Variants in LIPN observed in about 807,000 individuals in gnomAD.
The protein encoded by LIPN is lipase family member N.
LIPN carries 32 observed loss-of-function variants against 43.7 expected under a neutral mutation model. That is an observed-to-expected ratio of 0.73 (90% CI 0.55 to 0.98). The LOEUF is 0.98. Ranked by LOEUF, LIPN falls within the 50% of genes least tolerant of loss-of-function variation. The probability of loss-of-function intolerance (pLI) is 0.00; values close to 1 mark genes in which losing one functional copy is unlikely to be tolerated. For missense variants in LIPN, 505 were observed against 483.8 expected, an observed-to-expected ratio of 1.04 and a Z score of -0.41; for synonymous variants, 156 against 157.6, an observed-to-expected ratio of 0.99 and a Z score of 0.08.
chr10:88,761,767 C>CTATT (rs879759634), intron 2 of LIPN, among the ~76,000 whole-genome samples: 3 of 73,680 alleles, frequency 4.1e-5, no homozygotes, highest in Admixed American at 2.8e-4. Flanking sequence ...ATCTATGTAT[C>CTATT]TATCTATCTA....
rs1353948964 is a variant in LIPN, at chr10:88,765,366, G to A, written c.425+758G>A. 2.0e-5 allele frequency among the ~76,000 whole-genome samples: 3 copies of A among 151,854 alleles called. No individual in the cohort carries two copies. The East Asian group carries it at 5.8e-4, about 29-fold the overall frequency. On this transcript the variant is annotated intron_variant, in intron 4 of 9. Coordinates refer to ENST00000404459, the MANE Select transcript of LIPN (RefSeq NM_001102469.2). ...TCCTACTACATTAATAAAACATTCAGTACCCACTGAAAGTTTGAGAATAGT... is the reference window on the plus strand; with the variant it reads ...TCCTACTACATTAATAAAACATTCAATACCCACTGAAAGTTTGAGAATAGT...
chr10:88,772,109 T>G (rs906936638), intron 7 of LIPN, among the ~76,000 whole-genome samples: 7 of 151,840 alleles, frequency 4.6e-5, no homozygotes, highest in African/African-American at 1.7e-4. Context: ...TCAGATTTTT[T>G]TTTTTTGCAA....
intron 9 of LIPN, among the ~76,000 whole-genome samples, chr10:88,776,274 A>C (rs891558834): frequency 6.6e-6 from 1 of 152,052 alleles, no homozygotes; most frequent in African/African-American, 2.4e-5. Flanking sequence ...AGAAAGAAGA[A>C]AAGAAGTGGA....
intron 2 of LIPN, 65 bp from the exon 3 acceptor site, chr10:88,762,123 T>C: frequency 1.3e-6 from 1 of 796,280 alleles, no homozygotes; most frequent in Non-Finnish European, 2.1e-6. Flanking sequence ...AACAGATGGT[T>C]TGTTTTGATT....
intron 8 of LIPN, among the ~76,000 whole-genome samples, 160 bp downstream of exon 8, chr10:88,774,704 G>A (rs1169316003): frequency 1.3e-5 from 2 of 151,978 alleles, no homozygotes; most frequent in African/African-American, 4.8e-5. Flanking sequence ...TGGAATTTAA[G>A]AGAAAGGATG....
intron 1 of LIPN, among the ~76,000 whole-genome samples, chr10:88,760,857 C>T (rs566114153): frequency 5.9e-5 from 9 of 152,210 alleles, no homozygotes; most frequent in African/African-American, 1.7e-4. Flanking sequence ...TACTTTTAAA[C>T]CATGGCAAGG....
intron 6 of LIPN, among the ~76,000 whole-genome samples, chr10:88,769,166 T>C (rs1363233159): frequency 1.3e-5 from 2 of 151,900 alleles, no homozygotes; most frequent in Non-Finnish European, 2.9e-5. Flanking sequence ...TGAGTATATG[T>C]CAGAATTTCT....
intron 9 of LIPN, among the ~76,000 whole-genome samples, chr10:88,776,212 A>G (rs1725948580): frequency 6.6e-6 from 1 of 152,006 alleles, no homozygotes; most frequent in African/African-American, 2.4e-5. Context: ...AATGCTTAGA[A>G]AAGGTCTAGA....
upstream of LIPN, among the ~76,000 whole-genome samples, chr10:88,758,909 T>C (rs1195348701): frequency 6.6e-6 from 1 of 152,102 alleles, no homozygotes; most frequent in East Asian, 1.9e-4. Flanking sequence ...ATATTAATAA[T>C]AATAACATAG....
At chr10:88,768,130 A>T (rs1843142548) in intron 5 of LIPN, among the ~76,000 whole-genome samples, 1 of 151,358 alleles carries the variant, frequency 6.6e-6, no homozygotes, top group African/African-American at 2.4e-5. Flanking sequence ...TAGCCTACCC[A>T]GTGTTGTGCT....
chr10:88,762,388 CAG>C lies in LIPN; in HGVS notation c.226+86_226+87del. 6 of 805,990 alleles carry C rather than the reference CAG, an allele frequency of 7.4e-6. No individual in the cohort carries two copies. In the South Asian group the frequency reaches 9.1e-5, roughly 12 times the overall value. 49.9% of individuals were successfully genotyped at this position (805,990 alleles called of 1,614,324 possible). A position where few individuals can be genotyped will look rare whatever the true frequency, so the allele number is the denominator to read the frequency against. On this transcript the variant is annotated intron_variant, in intron 3 of 9. Transcript: ENST00000404459. ...GAATTTAATGCTAGATATGCATCAA[CAG>C]AGTTTATCAAAATTGGTTTGAATTA...
chr10:88,768,276 T>C (rs1412802887), intron 5 of LIPN, among the ~76,000 whole-genome samples: 1 of 151,038 alleles, frequency 6.6e-6, no homozygotes, highest in African/African-American at 2.4e-5. Flanking sequence ...CAGGGAAGAG[T>C]CTAGAGGGTT....
At chr10:88,762,130 G>T in intron 2 of LIPN, 58 bp from the exon 3 acceptor site, 2 of 869,444 alleles carry the variant, frequency 2.3e-6, no homozygotes, top group South Asian at 1.5e-5. Flanking sequence ...GGTTTGTTTT[G>T]ATTCCTTTTT....
rs1387118987 is a variant in LIPN at position 88,775,035 on chromosome 10, G to A, written c.892-57G>A. ...ATACAGCATTTTTCTAAAATTTGCT[G>A]TTAGCTTTCATGATTCTTACCCTAA... On this transcript the variant is annotated intron_variant, in intron 8 of 9. Coordinates refer to ENST00000404459, the MANE Select transcript of LIPN (RefSeq NM_001102469.2). 41 of 1,224,900 alleles carry A rather than the reference G, an allele frequency of 3.3e-5. No individual in the cohort carries two copies. The Admixed American group carries it at 7.8e-4, about 23-fold the overall frequency. 75.9% of individuals were successfully genotyped at this position (1,224,900 alleles called of 1,614,324 possible).
intron 3 of LIPN, among the ~76,000 whole-genome samples, chr10:88,762,662 G>A (rs1843022274): frequency 6.6e-6 from 1 of 152,000 alleles, no homozygotes; most frequent in Non-Finnish European, 1.5e-5. Flanking sequence ...GATTTTCTAG[G>A]TTGTATGAAA....
chr10:88,769,143 G>A (rs1843163046), intron 6 of LIPN, among the ~76,000 whole-genome samples: 2 of 151,874 alleles, frequency 1.3e-5, no homozygotes, highest in Admixed American at 6.6e-5. Context: ...ACTATACAAG[G>A]TCATCAGCAG....
intron 6 of LIPN, 36 bp downstream of exon 6, chr10:88,768,964 C>T (rs944798094): frequency 6.3e-7 from 1 of 1,576,294 alleles, no homozygotes; most frequent in African/African-American, 1.4e-5. Flanking sequence ...CTGAGGATCT[C>T]ATTTTGGATC....
intron 9 of LIPN, among the ~76,000 whole-genome samples, chr10:88,777,318 C>T (rs1190377588): frequency 6.6e-6 from 1 of 152,004 alleles, no homozygotes; most frequent in Non-Finnish European, 1.5e-5. Context: ...TTAGCATTCC[C>T]CAAGGATTCT....
At position 88,764,441 on chromosome 10, in the gene LIPN, C is replaced by T. The variant is rs1271117476; in HGVS notation, c.258C>T (p.Ala86=). 6.2e-7 allele frequency: 1 copy of T among 1,612,106 alleles called. No homozygotes were observed. Among genetic ancestry groups the T allele is most frequent in the East Asian group, 2.2e-5 (1 of 44,800 alleles). ...GPRPVVYMQH[A]LFADNAYWLE... ...GGCCAGTTGTGTATATGCAGCATGC[C>T]CTGTTTGCAGACAATGCCTACTGGC... is the stretch of plus-strand genomic sequence containing the variant. Residue 86 remains alanine (A), a synonymous_variant, in exon 4 of 10, where the codon GCC becomes GCT. Coordinates refer to ENST00000404459, the MANE Select transcript of LIPN (RefSeq NM_001102469.2).
Sources: allele counts gnomAD v4.1 joint callset (sites outside exome capture counted in the v4.1 genomes callset), GRCh38; gene constraint gnomAD v4.1.1; transcripts MANE v1.5; gene names NCBI Gene and HGNC (gene_info 2026-07-23, HGNC 2026-07-21).